LIN28A: variants seen among roughly 807,000 people sequenced by gnomAD.
LIN28A encodes protein lin-28 homolog A.
Under a neutral mutation model 21.1 loss-of-function variants are expected in LIN28A, and 11 were observed. That is an observed-to-expected ratio of 0.52 (90% CI 0.33 to 0.86). The LOEUF (loss-of-function observed/expected upper bound fraction) is 0.86. LIN28A is among the 40% of genes least tolerant of loss of function. LIN28A has a pLI of 0.03. For missense variants in LIN28A, 219 were observed against 279.8 expected (o/e 0.78, Z 1.55); for synonymous variants, 111 against 108.7 (o/e 1.02, Z -0.13).
intron 2 of LIN28A, among the ~76,000 whole-genome samples, chr1:26,418,805 G>T (rs1427923336): frequency 6.6e-6 from 1 of 152,190 alleles, no homozygotes; most frequent in African/African-American, 2.4e-5. Context: ...AAGGGAGATG[G>T]CTGCTGATGG....
chr1:26,420,255 A>G (rs1485149400), intron 2 of LIN28A, among the ~76,000 whole-genome samples: 2 of 152,148 alleles, frequency 1.3e-5, no homozygotes, highest in Non-Finnish European at 2.9e-5. Context: ...GTGAGCCACC[A>G]TGCCCGACCT....
chr1:26,426,541 T>C lies in LIN28A; in HGVS notation c.*83T>C, dbSNP rs928365608. 70 of 1,028,522 alleles carry C rather than the reference T, an allele frequency of 6.8e-5. 1 individual carries two copies. In the East Asian group the frequency reaches 8.6e-4, roughly 13 times the overall value. The allele number at this position is 1,028,522 out of a possible 1,614,324, so 63.7% of individuals were successfully genotyped here. A position where few individuals can be genotyped will look rare whatever the true frequency, so the allele number is the denominator to read the frequency against. On this transcript the variant is annotated 3_prime_UTR_variant, in exon 4 of 4. Coordinates refer to ENST00000326279, the MANE Select transcript of LIN28A (RefSeq NM_024674.6). ...GTGGAGAAAGTGGGAATAGGGTGCATTGGGGCTAGTTGGCACTGCCATGTA... is the reference window on the plus strand; with the variant it reads ...GTGGAGAAAGTGGGAATAGGGTGCACTGGGGCTAGTTGGCACTGCCATGTA...
intron 2 of LIN28A, among the ~76,000 whole-genome samples, chr1:26,413,694 T>G (rs1296542286): frequency 6.6e-6 from 1 of 152,194 alleles, no homozygotes; most frequent in Non-Finnish European, 1.5e-5. Flanking sequence ...CTTTACCTGG[T>G]AGCTCTGATA....
rs546287592 is a variant in LIN28A, at chr1:26,417,505, A to G, written c.228+5923A>G. On this transcript the variant is annotated intron_variant, in intron 2 of 3. Transcript: ENST00000326279. Reference sequence around the variant, plus strand: ...CTGCTTTTTTAAACGTAGCTACTAGAAAGTTTTCAATTATATATGTGACTT... The same window carrying G: ...CTGCTTTTTTAAACGTAGCTACTAGGAAGTTTTCAATTATATATGTGACTT... Among the ~76,000 whole-genome samples the G allele has an allele frequency of 5.9e-5, 9 of 152,332 alleles. No individual in the cohort carries two copies. The East Asian group carries it at 1.7e-3, about 29-fold the overall frequency.
rs1363075199 is a variant in LIN28A, at chr1:26,428,029, T to A, written c.*1571T>A. On this transcript the variant is annotated 3_prime_UTR_variant, in exon 4 of 4. Coordinates refer to ENST00000326279, the MANE Select transcript of LIN28A (RefSeq NM_024674.6). ...GTGTGTGTCTGATCCTGGGTTCTTG[T>A]CTCCCCTAAATGCTGCCCCCCAAGT... The A allele has an allele frequency of 6.6e-6, 1 of 152,662 alleles. No individual in the cohort carries two copies. Among genetic ancestry groups the A allele is most frequent in the African/African-American group, 2.4e-5 (1 of 41,444 alleles). The allele number at this position is 152,662 out of a possible 1,614,324, so 9.5% of individuals were successfully genotyped here. A position where few individuals can be genotyped will look rare whatever the true frequency, so the allele number is the denominator to read the frequency against.
At chr1:26,423,867 A>G (rs2075042671) in intron 2 of LIN28A, among the ~76,000 whole-genome samples, 1 of 151,518 alleles carries the variant, frequency 6.6e-6, no homozygotes, top group Non-Finnish European at 1.5e-5. Flanking sequence ...GGTTCATGCC[A>G]TTCTCCTGCC....
chr1:26,417,389 G>A (rs1166342341), intron 2 of LIN28A, among the ~76,000 whole-genome samples: 2 of 152,144 alleles, frequency 1.3e-5, no homozygotes, highest in Non-Finnish European at 2.9e-5. Flanking sequence ...AGAACCGGTT[G>A]GTTCTCCCTT....
Position 26,426,611 on chromosome 1 carries a change from G to C in LIN28A, c.*153G>C. ...CCATCACCCTTTCTTCCCTCTAGGT[G>C]GGGGGAAAGGGTGAGTCAAAGGAAC... On this transcript the variant is annotated 3_prime_UTR_variant, in exon 4 of 4. Transcript: ENST00000326279. The C allele has an allele frequency of 1.6e-6, 1 of 642,198 alleles. No individual in the cohort carries two copies. The highest frequency in any genetic ancestry group is 2.8e-5 in the East Asian group (1 of 35,714). 39.8% of individuals were successfully genotyped at this position (642,198 alleles called of 1,614,324 possible).
Position 26,411,645 on chromosome 1 carries a change from G to A in LIN28A, c.228+63G>A. 6.5e-7 allele frequency: 1 copy of A among 1,533,754 alleles called. No individual in the cohort carries two copies. Among genetic ancestry groups the A allele is most frequent in the Non-Finnish European group, 8.9e-7 (1 of 1,127,088 alleles). On this transcript the variant is annotated intron_variant, in intron 2 of 3. Transcript: ENST00000326279. This position sits in a 1 kb window ranked among gnomAD's most constrained non-coding sequence, Gnocchi z 5.4. ...GTCTAGGCGCCCATATCCACGGGTG[G>A]GCTCCGGGCTCGCAGTTGAATTGAG...
At position 26,411,598 on chromosome 1, in the gene LIN28A, G is replaced by GT; in HGVS notation, c.228+17dup. On this transcript the variant is annotated intron_variant, in intron 2 of 3. Transcript: ENST00000326279. This position sits in a 1 kb window ranked among gnomAD's most constrained non-coding sequence, Gnocchi z 5.4. ...TGTGCACCAGGTGAGACTGATTCCGGTAACTTTGCCCAGGGAAGGGCGTCT... is the reference window on the plus strand; with the variant it reads ...TGTGCACCAGGTGAGACTGATTCCGGTTAACTTTGCCCAGGGAAGGGCGTCT... 6.2e-7 allele frequency: 1 copy of GT among 1,606,942 alleles called. No homozygotes were observed. The highest frequency in any genetic ancestry group is 1.3e-5 in the African/African-American group (1 of 74,592).
chr1:26,416,619 G>C (rs1469794126), intron 2 of LIN28A, among the ~76,000 whole-genome samples: 1 of 151,506 alleles, frequency 6.6e-6, no homozygotes, highest in African/African-American at 2.4e-5. Context: ...TCACCATCGA[G>C]GTTTTTTATT....
chr1:26,411,711 C>T lies in LIN28A; in HGVS notation c.228+129C>T. ...TCATTATGCATCCCTGTCTTTGCTT[C>T]GGCACCCCAATTCTGAGTCCCTGTT... On this transcript the variant is annotated intron_variant, in intron 2 of 3. Transcript: ENST00000326279. This position sits in a 1 kb window ranked among gnomAD's most constrained non-coding sequence, Gnocchi z 5.4. 1 of 889,574 alleles carries T rather than the reference C, an allele frequency of 1.1e-6. No homozygotes were observed. The highest frequency in any genetic ancestry group is 2.7e-5 in the East Asian group (1 of 36,718). The allele number at this position is 889,574 out of a possible 1,614,324, so 55.1% of individuals were successfully genotyped here.
At chr1:26,413,379 T>TTTTG (rs893755659) in intron 2 of LIN28A, among the ~76,000 whole-genome samples, 79 of 152,164 alleles carry the variant, frequency 5.2e-4, no homozygotes, top group South Asian at 1.0e-3. Flanking sequence ...TGTTTTCTTG[T>TTTTG]TTTGTTTGTT....
chr1:26,418,572 T>C (rs2124293269), intron 2 of LIN28A, among the ~76,000 whole-genome samples: 1 of 151,256 alleles, frequency 6.6e-6, no homozygotes, highest in South Asian at 2.1e-4. Context: ...AGAAATGCTG[T>C]CTGTTGTCTG....
intron 1 of LIN28A, 48 bp downstream of exon 1, chr1:26,410,970 C>T (rs1570306795): frequency 6.3e-7 from 1 of 1,586,460 alleles, no homozygotes. Context: ...CAGGGGCGGC[C>T]AGGAGCCACG....
rs544785076 is a variant in LIN28A at position 26,429,315 on chromosome 1, T to C, written c.*2857T>C. On this transcript the variant is annotated 3_prime_UTR_variant, in exon 4 of 4. Transcript: ENST00000326279. ...AGGAGGCCAAGAAAGGGAATATGAA[T>C]GTATATCCAAGTCACTCAGGAACTT... 2 of 152,404 alleles carry C rather than the reference T, an allele frequency of 1.3e-5. No homozygotes were observed. Among genetic ancestry groups the C allele is most frequent in the East Asian group, 3.9e-4 (2 of 5,186 alleles). The allele number at this position is 152,404 out of a possible 1,614,324, so 9.4% of individuals were successfully genotyped here.
chr1:26,418,551 A>AAG (rs966514965), intron 2 of LIN28A, among the ~76,000 whole-genome samples: 3 of 151,666 alleles, frequency 2.0e-5, no homozygotes, highest in South Asian at 2.1e-4. Flanking sequence ...TTAAAAAAAA[A>AAG]AAAAAGAAAA....
At chr1:26,418,207 A>G (rs1168237675) in intron 2 of LIN28A, among the ~76,000 whole-genome samples, 1 of 151,842 alleles carries the variant, frequency 6.6e-6, no homozygotes, top group Admixed American at 6.6e-5. Context: ...AGAAGGCCTA[A>G]GTACTTTAAC....
In LIN28A at chr1:26,429,314, A is replaced by G. The variant is rs996959783; in HGVS notation, c.*2856A>G. The stretch of plus-strand genomic sequence containing the variant: ...CAGGAGGCCAAGAAAGGGAATATGA[A>G]TGTATATCCAAGTCACTCAGGAACT... On this transcript the variant is annotated 3_prime_UTR_variant, in exon 4 of 4. Coordinates refer to ENST00000326279, the MANE Select transcript of LIN28A (RefSeq NM_024674.6). 6.5e-6 allele frequency: 1 copy of G among 152,706 alleles called. No homozygotes were observed. Among genetic ancestry groups the G allele is most frequent in the Non-Finnish European group, 1.5e-5 (1 of 68,076 alleles). The allele number at this position is 152,706 out of a possible 1,614,324, so 9.5% of individuals were successfully genotyped here.
Sources: gnomAD v4.1 joint callset for allele counts (sites outside exome capture counted in the v4.1 genomes callset) on GRCh38, gnomAD v4.1.1 for gene constraint, Gnocchi (gnomAD v3.1) non-coding constraint, MANE v1.5 for transcripts, NCBI Gene and HGNC (gene_info 2026-07-23, HGNC 2026-07-21) for gene names.